ERG: variants seen among roughly 807,000 people sequenced by gnomAD.
ERG encodes transcriptional regulator ERG.
In ERG, 9 loss-of-function variants were observed where a neutral mutation model predicts 55.3. The ratio of observed to expected loss-of-function variants is 0.16; its 90% CI spans 0.10 to 0.28. The LOEUF is 0.28. ERG is among the 10% of genes least tolerant of loss of function. The pLI is 1.00. For missense variants in ERG, 434 were observed against 631.6 expected (o/e 0.69, Z 3.35); for synonymous variants, 223 against 237.3 (o/e 0.94, Z 0.55).
intron 1 of ERG, among the ~76,000 whole-genome samples, chr21:38,628,115 A>C (rs1490071885): frequency 6.6e-6 from 1 of 151,880 alleles, no homozygotes; most frequent in Non-Finnish European, 1.5e-5. Context: ...CAGCTGGCTA[A>C]TTGTTGTATA....
intron 2 of ERG, among the ~76,000 whole-genome samples, chr21:38,511,768 C>T (rs932266729): frequency 1.3e-5 from 2 of 152,180 alleles, no homozygotes; most frequent in African/African-American, 4.8e-5. Context: ...GCAGCATCAA[C>T]ATTTTGGGTT....
chr21:38,535,726 C>G (rs189097375), intron 2 of ERG, among the ~76,000 whole-genome samples: 1 of 152,202 alleles, frequency 6.6e-6, no homozygotes, highest in Non-Finnish European at 1.5e-5. Context: ...GCTATACTTC[C>G]TAGATTTTTC....
At chr21:38,505,524 T>C (rs1368850853) in intron 2 of ERG, among the ~76,000 whole-genome samples, 14 of 152,196 alleles carry the variant, frequency 9.2e-5, no homozygotes, top group Non-Finnish European at 1.6e-4. Context: ...ATCAGTAAAT[T>C]TGTTGTTGTC....
chr21:38,414,968 G>A (rs371091970), intron 3 of ERG, among the ~76,000 whole-genome samples: 3 of 152,310 alleles, frequency 2.0e-5, no homozygotes, highest in East Asian at 1.9e-4. Context: ...GGGCAACACA[G>A]TAGATTATTT....
chr21:38,500,314 C>T (rs916074749), upstream of ERG, among the ~76,000 whole-genome samples: 9 of 152,220 alleles, frequency 5.9e-5, no homozygotes, highest in South Asian at 2.1e-4. Flanking sequence ...ACCCACGCCT[C>T]GTGGTTGCTA....
chr21:38,608,393 G>A (rs2060208135), intron 1 of ERG, among the ~76,000 whole-genome samples: 1 of 152,172 alleles, frequency 6.6e-6, no homozygotes, highest in Non-Finnish European at 1.5e-5. Context: ...TGGTAATAAG[G>A]AGCAATAATT....
chr21:38,392,544 G>T, intron 6 of ERG, 100 bp from the exon 7 acceptor site: 2 of 870,638 alleles, frequency 2.3e-6, no homozygotes, highest in Non-Finnish European at 3.3e-6. Flanking sequence ...AATAAACTTT[G>T]TGCAAAAAAA....
chr21:38,521,813 G>GT (rs1243409938), intron 2 of ERG, among the ~76,000 whole-genome samples: 5 of 152,150 alleles, frequency 3.3e-5, no homozygotes, highest in South Asian at 4.1e-4. Context: ...TAAGATCACC[G>GT]TAAGTTTGAT....
chr21:38,472,319 A>G (rs896118456), intron 1 of ERG, among the ~76,000 whole-genome samples: 1 of 152,216 alleles, frequency 6.6e-6, no homozygotes, highest in African/African-American at 2.4e-5. Context: ...GTGTTACACT[A>G]GCCATTATGT....
At chr21:38,454,900 T>C (rs2058973280) in intron 1 of ERG, among the ~76,000 whole-genome samples, 1 of 152,188 alleles carries the variant, frequency 6.6e-6, no homozygotes, top group South Asian at 2.1e-4. Context: ...ATTTATAGCC[T>C]TTTTGGTCCC....
At chr21:38,568,346 C>T (rs558960347) in intron 2 of ERG, among the ~76,000 whole-genome samples, 77 of 152,248 alleles carry the variant, frequency 5.1e-4, no homozygotes, top group Non-Finnish European at 8.1e-4. Context: ...TGCCAGGCAC[C>T]GCTTTGAATG....
chr21:38,436,723 T>A (rs753665733), intron 2 of ERG, among the ~76,000 whole-genome samples: 5 of 152,238 alleles, frequency 3.3e-5, no homozygotes, highest in Non-Finnish European at 7.3e-5. Flanking sequence ...TGGGTTAATA[T>A]TATCCCTTTC....
chr21:38,377,266 G>A (rs1987267932), downstream of ERG, among the ~76,000 whole-genome samples: 1 of 152,224 alleles, frequency 6.6e-6, no homozygotes, highest in African/African-American at 2.4e-5. Context: ...GTTTAAAGGA[G>A]AAAATGATAT....
At chr21:38,533,565 T>A (rs1315364585) in intron 2 of ERG, among the ~76,000 whole-genome samples, 1 of 152,198 alleles carries the variant, frequency 6.6e-6, no homozygotes, top group African/African-American at 2.4e-5. Flanking sequence ...TGTATTAAAA[T>A]TCTTGTTGTT....
intron 2 of ERG, among the ~76,000 whole-genome samples, chr21:38,546,554 T>C (rs1400111990): frequency 6.6e-6 from 1 of 152,178 alleles, no homozygotes. Flanking sequence ...CCTAAGAGAA[T>C]GCATTTTCAT....
chr21:38,455,127 T>TCTTTC (rs1421483479), intron 1 of ERG, among the ~76,000 whole-genome samples: 1 of 151,652 alleles, frequency 6.6e-6, no homozygotes, highest in Non-Finnish European at 1.5e-5. Flanking sequence ...TCTTTTTTTT[T>TCTTTC]TTTTTTACCT....
chr21:38,542,983 A>G (rs986349319), intron 2 of ERG, among the ~76,000 whole-genome samples: 2 of 152,112 alleles, frequency 1.3e-5, no homozygotes, highest in Admixed American at 1.3e-4. Flanking sequence ...TTGTGTTTCT[A>G]TTTGAACTTC....
At chr21:38,587,972 A>T (rs1421505079), upstream of ERG, among the ~76,000 whole-genome samples, 1 of 152,174 alleles carries the variant, frequency 6.6e-6, no homozygotes, top group African/African-American at 2.4e-5. Context: ...GGTATTTTTA[A>T]ATTAGCATTA....
At chr21:38,409,373 C>T (rs920719707) in intron 3 of ERG, among the ~76,000 whole-genome samples, 5 of 151,626 alleles carry the variant, frequency 3.3e-5, no homozygotes, top group Non-Finnish European at 5.9e-5. Context: ...ATGCCAGCTA[C>T]TCAGGAGGCT....
Sources: allele counts gnomAD v4.1 joint callset (sites outside exome capture counted in the v4.1 genomes callset), GRCh38; gene constraint gnomAD v4.1.1; transcripts MANE v1.5; gene names NCBI Gene and HGNC (gene_info 2026-07-23, HGNC 2026-07-21).